The following ARHGAP42 variants were observed in gnomAD, a reference collection of about 807,000 sequenced individuals.
ARHGAP42 encodes Rho GTPase activating protein 42, also known as rho GTPase-activating protein 42.
A neutral mutation model predicts 125.0 loss-of-function variants in ARHGAP42; 63 were observed. The ratio of observed to expected loss-of-function variants is 0.50; its 90% CI spans 0.41 to 0.62. ARHGAP42 has a LOEUF of 0.62. Ranked by LOEUF, ARHGAP42 falls within the 20% of genes least tolerant of loss-of-function variation. The pLI, the probability that ARHGAP42 is intolerant of heterozygous loss-of-function variation, is 0.00. For missense variants in ARHGAP42, 766 were observed against 1,024.2 expected (o/e 0.75, Z 3.44); for synonymous variants, 339 against 351.0 (o/e 0.97, Z 0.38).
intron 22 of ARHGAP42, among the ~76,000 whole-genome samples, chr11:100,985,894 A>G (rs967138057): frequency 7.2e-5 from 11 of 152,196 alleles, no homozygotes; most frequent in African/African-American, 2.7e-4. Flanking sequence ...GGGAAATGAA[A>G]TTATAATGTA....
intron 3 of ARHGAP42, among the ~76,000 whole-genome samples, chr11:100,818,302 A>G (rs1471638708): frequency 6.6e-6 from 1 of 151,792 alleles, no homozygotes; most frequent in Non-Finnish European, 1.5e-5. Flanking sequence ...GATAGATACG[A>G]TTGACAAATG....
At chr11:100,705,813 C>A (rs1054794257) in intron 1 of ARHGAP42, among the ~76,000 whole-genome samples, 3 of 152,058 alleles carry the variant, frequency 2.0e-5, no homozygotes, top group Non-Finnish European at 4.4e-5. Context: ...ATGATCCTCC[C>A]GCCTTGGCCT....
chr11:100,945,687 A>G (rs143089782), intron 10 of ARHGAP42, among the ~76,000 whole-genome samples: 13 of 152,246 alleles, frequency 8.5e-5, no homozygotes, highest in Non-Finnish European at 1.5e-4. Flanking sequence ...AACCTCTTTA[A>G]TCAGAAGGTC....
intron 2 of ARHGAP42, among the ~76,000 whole-genome samples, chr11:100,779,539 CGTATATATAT>C (rs1397480839): frequency 7.7e-6 from 1 of 130,168 alleles, no homozygotes; most frequent in African/African-American, 3.1e-5. Context: ...CGTATATATA[CGTATATATAT>C]ACATATACAT....
chr11:100,697,558 G>A (rs1861307642), intron 1 of ARHGAP42, among the ~76,000 whole-genome samples: 2 of 152,162 alleles, frequency 1.3e-5, no homozygotes, highest in African/African-American at 4.8e-5. Flanking sequence ...TATGAAAGAC[G>A]TGCCAAATAG....
At chr11:100,843,174 G>A (rs1864982145) in intron 3 of ARHGAP42, among the ~76,000 whole-genome samples, 2 of 151,776 alleles carry the variant, frequency 1.3e-5, no homozygotes, top group South Asian at 2.1e-4. Context: ...GATCATCCAG[G>A]GCTACTATGA....
intron 4 of ARHGAP42, among the ~76,000 whole-genome samples, chr11:100,872,398 T>C (rs1865717854): frequency 6.6e-6 from 1 of 152,114 alleles, no homozygotes. Flanking sequence ...TTGTTGTTGT[T>C]GTTGTTGTTT....
At chr11:100,772,960 CTGAG>C (rs1863017850) in intron 2 of ARHGAP42, among the ~76,000 whole-genome samples, 2 of 152,304 alleles carry the variant, frequency 1.3e-5, no homozygotes, top group Admixed American at 1.3e-4. Flanking sequence ...CCTCAGCCTC[CTGAG>C]TAACTGGGAT....
intron 2 of ARHGAP42, among the ~76,000 whole-genome samples, chr11:100,771,755 T>G (rs1173888380): frequency 6.6e-6 from 1 of 152,046 alleles, no homozygotes; most frequent in African/African-American, 2.4e-5. Context: ...CCCGCCACCA[T>G]GCCTGGCTAA....
chr11:100,895,193 T>A (rs894752462), intron 4 of ARHGAP42, among the ~76,000 whole-genome samples: 1 of 152,218 alleles, frequency 6.6e-6, no homozygotes, highest in Non-Finnish European at 1.5e-5. Flanking sequence ...TTAGGACTGT[T>A]GACAGTGTTT....
At chr11:100,982,438 T>G (rs1011017747) in intron 22 of ARHGAP42, among the ~76,000 whole-genome samples, 2 of 152,172 alleles carry the variant, frequency 1.3e-5, no homozygotes, top group Non-Finnish European at 2.9e-5. Flanking sequence ...TACATGAAAG[T>G]TTGAGAACCT....
chr11:100,898,225 C>T (rs1866416995), intron 4 of ARHGAP42, among the ~76,000 whole-genome samples: 2 of 152,186 alleles, frequency 1.3e-5, no homozygotes, highest in African/African-American at 4.8e-5. Context: ...TTTTGATGTG[C>T]TGCTGGATTC....
chr11:100,884,573 T>G (rs1350042349), intron 4 of ARHGAP42, among the ~76,000 whole-genome samples: 1 of 152,158 alleles, frequency 6.6e-6, no homozygotes, highest in Non-Finnish European at 1.5e-5. Flanking sequence ...AATCAAATCA[T>G]GTAATGATGA....
chr11:100,977,296 A>G (rs1194231371), intron 21 of ARHGAP42, among the ~76,000 whole-genome samples: 2 of 152,220 alleles, frequency 1.3e-5, no homozygotes, highest in Non-Finnish European at 2.9e-5. Flanking sequence ...ATTAAAAGCT[A>G]AACATCCATC....
chr11:100,792,919 A>AT (rs1305849131), intron 2 of ARHGAP42, among the ~76,000 whole-genome samples: 35 of 151,556 alleles, frequency 2.3e-4, no homozygotes, highest in African/African-American at 8.0e-4. Flanking sequence ...CGCCCTGCTA[A>AT]TTTTTTTTGT....
At chr11:100,878,289 C>T (rs755442155) in intron 4 of ARHGAP42, among the ~76,000 whole-genome samples, 36 of 151,944 alleles carry the variant, frequency 2.4e-4, no homozygotes, top group East Asian at 5.9e-4. Flanking sequence ...CCACCATGCC[C>T]GGCCTATTCC....
In ARHGAP42 at chr11:100,899,729, T is replaced by G. The variant is rs1346641515; in HGVS notation, c.385-13723T>G. The stretch of plus-strand genomic sequence containing the variant: ...TGTTTTGTTTTGTGTTTTGTTTTTT[T>G]TTTTGTTTTTTTTTGCTCTCTATTT... On this transcript the variant is annotated intron_variant, in intron 4 of 23. Coordinates refer to ENST00000298815, the MANE Select transcript of ARHGAP42 (RefSeq NM_152432.4). Among the ~76,000 whole-genome samples, 350 of 94,600 alleles carry G rather than the reference T, an allele frequency of 3.7e-3. 4 individuals are homozygous for G. Among genetic ancestry groups the G allele is most frequent in the African/African-American group, 0.018 (306 of 17,294 alleles). 62.1% of individuals were successfully genotyped at this position (94,600 alleles called of 152,430 possible).
intron 4 of ARHGAP42, among the ~76,000 whole-genome samples, chr11:100,877,048 T>C (rs746284878): frequency 6.6e-6 from 1 of 152,218 alleles, no homozygotes; most frequent in Non-Finnish European, 1.5e-5. Context: ...AAACTTGCCT[T>C]ATTTGGTAAA....
Position 100,902,632 on chromosome 11 carries a change from T to G in ARHGAP42, c.385-10820T>G, listed in dbSNP as rs939982060. Among the ~76,000 whole-genome samples the G allele has an allele frequency of 2.6e-5, 4 of 152,138 alleles. No homozygotes were observed. The East Asian group carries it at 7.7e-4, about 29-fold the overall frequency. ...GCTCAGGAGTATCTGAGTATCCTGATACTCAGATCTGGGAGTATCACCCCT... is the reference window on the plus strand; with the variant it reads ...GCTCAGGAGTATCTGAGTATCCTGAGACTCAGATCTGGGAGTATCACCCCT... On this transcript the variant is annotated intron_variant, in intron 4 of 23. Coordinates refer to ENST00000298815, the MANE Select transcript of ARHGAP42 (RefSeq NM_152432.4).
Sources: gnomAD v4.1 joint callset for allele counts (sites outside exome capture counted in the v4.1 genomes callset) on GRCh38, gnomAD v4.1.1 for gene constraint, MANE v1.5 for transcripts, NCBI Gene and HGNC (gene_info 2026-07-23, HGNC 2026-07-21) for gene names.